COLQ: variants seen among roughly 807,000 people sequenced by gnomAD.
The protein encoded by COLQ is collagen like tail subunit of asymmetric acetylcholinesterase.
COLQ carries 48 observed loss-of-function variants against 69.0 expected under a neutral mutation model. That is an observed-to-expected ratio of 0.70 (90% CI 0.55 to 0.88). The LOEUF (loss-of-function observed/expected upper bound fraction) is 0.88. COLQ is among the 40% of genes least tolerant of loss of function. The probability of loss-of-function intolerance (pLI) is 0.00; values close to 1 mark genes in which losing one functional copy is unlikely to be tolerated. For missense variants in COLQ, 618 were observed against 594.6 expected (o/e 1.04, Z -0.41); for synonymous variants, 217 against 211.2 (o/e 1.03, Z -0.24).
intron 13 of COLQ, among the ~76,000 whole-genome samples, chr3:15,457,264 A>G (rs980778438): frequency 2.6e-5 from 4 of 152,102 alleles, no homozygotes; most frequent in African/African-American, 7.2e-5. Flanking sequence ...CATTATTTAC[A>G]TTAGTAAAAA....
intron 10 of COLQ, among the ~76,000 whole-genome samples, 185 bp from the exon 11 acceptor site, chr3:15,470,801 T>C (rs913245535): frequency 2.6e-5 from 4 of 152,270 alleles, no homozygotes; most frequent in African/African-American, 7.2e-5. Context: ...ATGTCTTTCA[T>C]GGAAGAGGAG....
At chr3:15,514,260 A>C (rs550277299) in intron 1 of COLQ, among the ~76,000 whole-genome samples, 11 of 152,314 alleles carry the variant, frequency 7.2e-5, no homozygotes, top group African/African-American at 2.6e-4. Context: ...GAAACTAATA[A>C]AGGAACTCAG....
At chr3:15,470,283 C>A (rs891748811) in intron 11 of COLQ, among the ~76,000 whole-genome samples, 2 of 152,178 alleles carry the variant, frequency 1.3e-5, no homozygotes, top group African/African-American at 4.8e-5. Flanking sequence ...TTTTTATGAA[C>A]CAAATATCCA....
Position 15,458,220 on chromosome 3 carries a change from G to A in COLQ, c.920C>T (p.Ser307Phe). ...MNVNNPSYGESVYGPSSPRVP... is the reference protein window; with the variant it reads ...MNVNNPSYGEFVYGPSSPRVP... ...TCGCGGGGAACTGGGCCCATACACA[G>A]ATTCCCCGTAGGAAGGGTTATTCAC... Residue 307 changes from serine (S) to phenylalanine (F), a missense_variant, in exon 13 of 17, where the codon TCT becomes TTT. Transcript: ENST00000383788. The A allele has an allele frequency of 6.2e-7, 1 of 1,614,112 alleles. No individual in the cohort carries two copies. Among genetic ancestry groups the A allele is most frequent in the Non-Finnish European group, 8.5e-7 (1 of 1,180,020 alleles).
At position 15,451,698 on chromosome 3, in the gene COLQ, C is replaced by G; in HGVS notation, c.1314G>C (p.Leu438=). The change falls in exon 17 of 17, where the codon CTG becomes CTC. Residue 438 remains leucine (L), a synonymous_variant. Transcript: ENST00000383788. ...CGATGTAGCAGTACTGGGTGCATTG[C>G]AGGTCTCCATATGACCTGAGGGAGG... The part of the protein sequence containing the change: ...ETYLPGSYGD[L]QCTQYCYIDS... The G allele has an allele frequency of 1.2e-6, 2 of 1,614,092 alleles. No individual in the cohort carries two copies. Among genetic ancestry groups the G allele is most frequent in the Non-Finnish European group, 1.7e-6 (2 of 1,179,986 alleles).
chr3:15,466,353 G>T lies in COLQ; in HGVS notation c.802C>A (p.Pro268Thr), dbSNP rs771189959. 5 of 1,613,522 alleles carry T rather than the reference G, an allele frequency of 3.1e-6. No homozygotes were observed. The highest frequency in any genetic ancestry group is 4.2e-6 in the Non-Finnish European group (5 of 1,179,672). ...GQPGRPGPPGPPPAGQLIMGP... is the reference protein window; with the variant it reads ...GQPGRPGPPGTPPAGQLIMGP... ...GTGTAGCTCTTACCTGCAGGTGGGG[G>T]GCCTGGGGGCCCCGGACGGCCAGGT... Residue 268 changes from proline (P) to threonine (T), a missense_variant, in exon 12 of 17, where the codon CCC becomes ACC. Transcript: ENST00000383788.
At chr3:15,472,603 G>A (rs890341020) in intron 10 of COLQ, among the ~76,000 whole-genome samples, 8 of 152,198 alleles carry the variant, frequency 5.3e-5, no homozygotes, top group African/African-American at 1.9e-4. Flanking sequence ...ATGGCATGAG[G>A]AGCCAAAATG....
chr3:15,488,145 G>T, intron 3 of COLQ, 61 bp downstream of exon 3: 1 of 1,196,204 alleles, frequency 8.4e-7, no homozygotes, highest in Non-Finnish European at 1.2e-6. Context: ...GAGGCTCTGT[G>T]CAGTGGGCTT....
chr3:15,493,069 C>T (rs2062696103), intron 1 of COLQ, among the ~76,000 whole-genome samples: 1 of 152,180 alleles, frequency 6.6e-6, no homozygotes. Flanking sequence ...TGGGATAAAC[C>T]TAGCTGTCTT....
chr3:15,453,776 A>G, intron 16 of COLQ, 53 bp downstream of exon 16: 1 of 1,186,778 alleles, frequency 8.4e-7, no homozygotes, highest in Non-Finnish European at 1.2e-6. Flanking sequence ...AGGAAAGCAA[A>G]GAGGAGGGAG....
chr3:15,464,606 T>G (rs150149072), intron 12 of COLQ, among the ~76,000 whole-genome samples: 2 of 152,194 alleles, frequency 1.3e-5, no homozygotes, highest in African/African-American at 4.8e-5. Flanking sequence ...TGACATTTCT[T>G]GCCCATCCCA....
At chr3:15,468,963 G>A (rs2062241349) in intron 11 of COLQ, among the ~76,000 whole-genome samples, 1 of 152,168 alleles carries the variant, frequency 6.6e-6, no homozygotes, top group Non-Finnish European at 1.5e-5. Flanking sequence ...ATAACTTTCA[G>A]AGACTCTCAG....
At chr3:15,516,269 C>G (rs926525130) in intron 1 of COLQ, among the ~76,000 whole-genome samples, 4 of 152,208 alleles carry the variant, frequency 2.6e-5, no homozygotes, top group Non-Finnish European at 5.9e-5. Context: ...GGTCCATAAT[C>G]TAGTGCCAAG....
chr3:15,492,056 CAA>C (rs58987336), intron 1 of COLQ, among the ~76,000 whole-genome samples: 33 of 97,684 alleles, frequency 3.4e-4, no homozygotes, highest in East Asian at 2.5e-4. Flanking sequence ...GACTCCATCT[CAA>C]AAAAAAAAAA....
chr3:15,452,098 G>A (rs1036416881), intron 16 of COLQ, among the ~76,000 whole-genome samples: 1 of 145,894 alleles, frequency 6.9e-6, no homozygotes, highest in Non-Finnish European at 1.5e-5. Context: ...ACAGAGTTTC[G>A]CTCTGTCCCC....
chr3:15,485,234 G>T (rs150760162), intron 3 of COLQ, among the ~76,000 whole-genome samples: 4,448 of 152,294 alleles, frequency 0.029, 85 homozygotes, highest in Middle Eastern at 0.051. Flanking sequence ...AAGAGCAAAT[G>T]TTGCTGCCTG....
In COLQ at chr3:15,490,461, T is replaced by C. The variant is rs377539715; in HGVS notation, c.107-824A>G. ...CTGCACCCCTTCCCATCCTGAATTC[T>C]AACACCAGAGATTCATTTTGACTAA... On this transcript the variant is annotated intron_variant, in intron 1 of 16. Transcript: ENST00000383788. 8.5e-5 allele frequency among the ~76,000 whole-genome samples: 13 copies of C among 152,348 alleles called. No homozygotes were observed. In the East Asian group the frequency reaches 2.1e-3, roughly 25 times the overall value.
chr3:15,478,884 A>C, intron 5 of COLQ, 93 bp downstream of exon 5: 1 of 1,456,652 alleles, frequency 6.9e-7, no homozygotes, highest in Non-Finnish European at 9.6e-7. Context: ...GTGACCACTG[A>C]AGTGCATTGC....
At chr3:15,497,745 A>G (rs2062766535) in intron 1 of COLQ, among the ~76,000 whole-genome samples, 1 of 152,302 alleles carries the variant, frequency 6.6e-6, no homozygotes, top group East Asian at 1.9e-4. Flanking sequence ...CACACGCTGT[A>G]TGGCAGCTCA....
Sources: gnomAD v4.1 joint callset for allele counts (sites outside exome capture counted in the v4.1 genomes callset) on GRCh38, gnomAD v4.1.1 for gene constraint, MANE v1.5 for transcripts, NCBI Gene and HGNC (gene_info 2026-07-23, HGNC 2026-07-21) for gene names.